The following INVS variants were observed in gnomAD, a reference collection of about 807,000 sequenced individuals.
The protein encoded by INVS is inversion of embryo turning homolog.
A neutral mutation model predicts 108.8 loss-of-function variants in INVS; 86 were observed. The ratio of observed to expected loss-of-function variants is 0.79; its 90% CI spans 0.66 to 0.95. INVS has a LOEUF of 0.95. Among genes scored for constraint, INVS ranks in the 40% least tolerant of loss-of-function variants. The pLI is 0.00. For missense variants in INVS, 1,169 were observed against 1,297.4 expected, an observed-to-expected ratio of 0.90 and a Z score of 1.52; for synonymous variants, 455 against 473.5, an observed-to-expected ratio of 0.96 and a Z score of 0.51.
chr9:100,108,036 G>GA (rs1225002701), intron 2 of INVS, among the ~76,000 whole-genome samples: 1 of 150,770 alleles, frequency 6.6e-6, no homozygotes, highest in Non-Finnish European at 1.5e-5. Flanking sequence ...AATTCCATGA[G>GA]AAAAAAAAAT....
chr9:100,126,679 C>A, intron 3 of INVS, 130 bp downstream of exon 3: 2 of 902,236 alleles, frequency 2.2e-6, no homozygotes, highest in Non-Finnish European at 3.5e-6. Context: ...TATATTTTCT[C>A]TAAAAGCTGT....
At chr9:100,224,827 G>C (rs1200972733) in intron 3 of INVS, among the ~76,000 whole-genome samples, 1 of 151,694 alleles carries the variant, frequency 6.6e-6, no homozygotes, top group Non-Finnish European at 1.5e-5. Context: ...TGTTGGCCAG[G>C]CTGGTCTAGA....
intron 10 of INVS, among the ~76,000 whole-genome samples, chr9:100,258,729 A>G (rs1832510318): frequency 6.6e-6 from 1 of 152,214 alleles, no homozygotes; most frequent in African/African-American, 2.4e-5. Flanking sequence ...GCTGCAGAAC[A>G]GCAAATATTG....
intron 3 of INVS, among the ~76,000 whole-genome samples, chr9:100,167,265 A>G (rs1829392662): frequency 6.6e-6 from 1 of 152,080 alleles, no homozygotes; most frequent in Non-Finnish European, 1.5e-5. Context: ...GTAAAAGACT[A>G]AGTATTTCCT....
intron 3 of INVS, among the ~76,000 whole-genome samples, chr9:100,146,639 A>G (rs928018377): frequency 9.2e-5 from 14 of 152,304 alleles, no homozygotes; most frequent in Admixed American, 3.3e-4. Context: ...TTATAAAACC[A>G]GTGACACTAT....
At chr9:100,208,081 G>C (rs1830729087) in intron 3 of INVS, among the ~76,000 whole-genome samples, 1 of 152,170 alleles carries the variant, frequency 6.6e-6, no homozygotes, top group African/African-American at 2.4e-5. Flanking sequence ...CCTCACTTCA[G>C]CCACCAAGCT....
chr9:100,132,843 G>A (rs573667269), intron 3 of INVS, among the ~76,000 whole-genome samples: 3 of 152,110 alleles, frequency 2.0e-5, no homozygotes, highest in Non-Finnish European at 2.9e-5. Context: ...CATGGCTCAC[G>A]CCTGTAATCT....
intron 3 of INVS, among the ~76,000 whole-genome samples, chr9:100,134,202 A>G (rs758146507): frequency 1.1e-4 from 17 of 152,234 alleles, no homozygotes; most frequent in Non-Finnish European, 1.5e-4. Flanking sequence ...TTGGTTTTCC[A>G]TTCCTGAGTT....
At chr9:100,175,169 A>G (rs924386728) in intron 3 of INVS, 9 of 423,552 alleles carry the variant, frequency 2.1e-5, no homozygotes, top group Non-Finnish European at 1.3e-5. Flanking sequence ...CCCCTTTTTC[A>G]ATAATAACAT....
At chr9:100,180,050 A>C (rs1382501372) in intron 3 of INVS, among the ~76,000 whole-genome samples, 1 of 152,204 alleles carries the variant, frequency 6.6e-6, no homozygotes, top group African/African-American at 2.4e-5. Context: ...CTGGGTAAAT[A>C]ATGAAATTAA....
At chr9:100,235,772 T>C (rs1203804114) in intron 5 of INVS, among the ~76,000 whole-genome samples, 1 of 152,220 alleles carries the variant, frequency 6.6e-6, no homozygotes, top group Admixed American at 6.5e-5. Context: ...AAGGGTAACC[T>C]GATCTTTCTG....
At chr9:100,167,286 A>G (rs557043571) in intron 3 of INVS, among the ~76,000 whole-genome samples, 10 of 152,044 alleles carry the variant, frequency 6.6e-5, no homozygotes, top group African/African-American at 2.4e-4. Flanking sequence ...GTGATCTATC[A>G]AGCCTTTTAT....
chr9:100,229,897 CAAAA>C, intron 5 of INVS, 70 bp downstream of exon 5: 1 of 1,438,518 alleles, frequency 7.0e-7, no homozygotes, highest in Non-Finnish European at 9.6e-7. Flanking sequence ...TTAATATATA[CAAAA>C]GTGTATATTT....
At chr9:100,123,511 A>C (rs1269829805) in intron 2 of INVS, among the ~76,000 whole-genome samples, 2 of 152,232 alleles carry the variant, frequency 1.3e-5, no homozygotes, top group African/African-American at 4.8e-5. Context: ...GTTGATGAAT[A>C]GCTTATGGAT....
chr9:100,214,311 C>T (rs1588093668), intron 3 of INVS, among the ~76,000 whole-genome samples: 1 of 152,200 alleles, frequency 6.6e-6, no homozygotes, highest in East Asian at 1.9e-4. Context: ...GGCCTCGTTG[C>T]AGATAGTTAC....
chr9:100,178,548 A>G (rs1288923185), intron 3 of INVS, among the ~76,000 whole-genome samples: 2 of 152,232 alleles, frequency 1.3e-5, no homozygotes, highest in Non-Finnish European at 2.9e-5. Context: ...CAGAGACTGA[A>G]GATCAACTTA....
At chr9:100,207,621 A>C (rs1830712958) in intron 3 of INVS, among the ~76,000 whole-genome samples, 1 of 152,186 alleles carries the variant, frequency 6.6e-6, no homozygotes, top group African/African-American at 2.4e-5. Context: ...ACCACTGCTT[A>C]TTTAAGATAT....
intron 3 of INVS, among the ~76,000 whole-genome samples, chr9:100,181,504 T>G (rs1002765257): frequency 1.3e-5 from 2 of 152,216 alleles, no homozygotes; most frequent in East Asian, 3.9e-4. Context: ...ATGAGTGAAC[T>G]CCTATTCACA....
At chr9:100,242,859 A>G (rs1048835956) in intron 7 of INVS, among the ~76,000 whole-genome samples, 180 bp downstream of exon 7, 2 of 152,130 alleles carry the variant, frequency 1.3e-5, no homozygotes, top group African/African-American at 4.8e-5. Context: ...GCACTCCTAC[A>G]CCTAATTCAC....
Sources: gnomAD v4.1 joint callset for allele counts (sites outside exome capture counted in the v4.1 genomes callset) on GRCh38, gnomAD v4.1.1 for gene constraint, MANE v1.5 for transcripts, NCBI Gene and HGNC (gene_info 2026-07-23, HGNC 2026-07-21) for gene names.